Variants in OPN3 observed in about 807,000 individuals in gnomAD.
The protein encoded by OPN3 is opsin-3.
A neutral mutation model predicts 33.8 loss-of-function variants in OPN3; 29 were observed. The ratio of observed to expected loss-of-function variants is 0.86; its 90% CI spans 0.64 to 1.17. The LOEUF (loss-of-function observed/expected upper bound fraction) is 1.17. Ranked by LOEUF, OPN3 falls within the 50% of genes most tolerant of loss-of-function variation. The pLI, the probability that OPN3 is intolerant of heterozygous loss-of-function variation, is 0.00. For missense variants in OPN3, 437 were observed against 514.1 expected (o/e 0.85, Z 1.45); for synonymous variants, 216 against 216.1 (o/e 1.00, Z 0.00).
intron 2 of OPN3, chr1:241,600,287 ATC>A (rs561510657): frequency 7.0e-4 from 107 of 152,294 alleles, no homozygotes; most frequent in African/African-American, 2.5e-3. Context: ...TTTTTTATTT[ATC>A]TTTTTCAGGC....
At position 241,640,289 on chromosome 1, in the gene OPN3, C is replaced by G; in HGVS notation, c.-35G>C. ...CCGGCGCGCCTGGCGGGCGGAGGCG[C>G]TCAGCTTGCGGCGGGGCTCGCGGCG... On this transcript the variant is annotated 5_prime_UTR_variant, in exon 1 of 4. Transcript: ENST00000366554. The G allele has an allele frequency of 8.7e-7, 1 of 1,150,778 alleles. No individual in the cohort carries two copies. Among genetic ancestry groups the G allele is most frequent in the Non-Finnish European group, 1.1e-6 (1 of 938,824 alleles). The allele number at this position is 1,150,778 out of a possible 1,614,324, so 71.3% of individuals were successfully genotyped here.
At chr1:241,595,294 CTCCTCTCTGCTGT>C (rs1341979904) in intron 3 of OPN3, 1 of 152,302 alleles carries the variant, frequency 6.6e-6, no homozygotes, top group African/African-American at 2.4e-5. Flanking sequence ...CTTTCCGCTT[CTCCTCTCTGCTGT>C]TCCTCTCTAC....
At chr1:241,630,634 T>C (rs955694277) in intron 1 of OPN3, 10 of 152,170 alleles carry the variant, frequency 6.6e-5, no homozygotes, top group Middle Eastern at 3.4e-3. Flanking sequence ...TCTTTAACCA[T>C]ATATAAAAAT....
intron 1 of OPN3, among the ~76,000 whole-genome samples, chr1:241,626,437 C>G (rs58386642): frequency 0.74 from 111,467 of 151,560 alleles, 41,588 homozygotes; most frequent in African/African-American, 0.86. Context: ...TTTTACTTTT[C>G]TATCTGGTTG....
chr1:241,616,026 C>G (rs1172421122), intron 1 of OPN3: 4 of 454,098 alleles, frequency 8.8e-6, no homozygotes, highest in Non-Finnish European at 1.8e-5. Flanking sequence ...ATTGCTTGCA[C>G]TCTCCTGTCA....
intron 1 of OPN3, among the ~76,000 whole-genome samples, chr1:241,637,058 T>C (rs919338408): frequency 6.6e-6 from 1 of 152,034 alleles, no homozygotes; most frequent in Non-Finnish European, 1.5e-5. Flanking sequence ...TGGCCAGAGG[T>C]AGAAAGGCCA....
chr1:241,639,435 T>C (rs1476226442), intron 1 of OPN3, among the ~76,000 whole-genome samples: 1 of 152,188 alleles, frequency 6.6e-6, no homozygotes, highest in African/African-American at 2.4e-5. Context: ...AGTACATGAA[T>C]CTAATCTCAT....
intron 1 of OPN3, chr1:241,636,189 C>T (rs1372554834): frequency 1.5e-5 from 6 of 400,086 alleles, no homozygotes; most frequent in Non-Finnish European, 2.6e-5. Flanking sequence ...TAAACCTCTA[C>T]TAAAGCATGT....
intron 1 of OPN3, chr1:241,634,519 T>C: frequency 6.2e-7 from 1 of 1,613,944 alleles, no homozygotes; most frequent in Non-Finnish European, 8.5e-7. Flanking sequence ...CTTTACATCG[T>C]CCAGATTCTT....
At chr1:241,619,886 G>A (rs141841431) in intron 1 of OPN3, among the ~76,000 whole-genome samples, 1 of 152,336 alleles carries the variant, frequency 6.6e-6, no homozygotes, top group Non-Finnish European at 1.5e-5. Context: ...TGTTTGAGTT[G>A]CTCTAACGTA....
Position 241,604,417 on chromosome 1 carries a change from T to TAC in OPN3, c.534_535dup (p.Tyr179CysfsTer9). On this transcript the variant is annotated frameshift_variant, in exon 2 of 4. Transcript: ENST00000366554. LOFTEE classifies it high-confidence loss of function. ...GCCTAGTCCGTGTACGTCCAGGATGTACCTGTTCCATCCCAGGAGAGGTGC... is the reference window on the plus strand; with the variant it reads ...GCCTAGTCCGTGTACGTCCAGGATGTACACCTGTTCCATCCCAGGAGAGGTGC... 1 of 1,614,186 alleles carries TAC rather than the reference T, an allele frequency of 6.2e-7. No homozygotes were observed. Among genetic ancestry groups the TAC allele is most frequent in the Non-Finnish European group, 8.5e-7 (1 of 1,180,034 alleles).
chr1:241,598,087 T>C (rs551683682), intron 2 of OPN3, 90 bp from the exon 3 acceptor site: 2 of 1,409,008 alleles, frequency 1.4e-6, no homozygotes, highest in South Asian at 2.9e-5. Flanking sequence ...GACACCATTC[T>C]TGGCCCCACC....
chr1:241,635,864 C>G (rs1286797814), intron 1 of OPN3: 5 of 1,259,760 alleles, frequency 4.0e-6, no homozygotes, highest in Non-Finnish European at 4.4e-6. Context: ...CCAGTTATCC[C>G]AGAAGCACTG....
chr1:241,604,360 T>C lies in OPN3; in HGVS notation c.593A>G (p.Asn198Ser), dbSNP rs779659551. Residue 198 changes from asparagine (N) to serine (S), a missense_variant, in exon 2 of 4, where the codon AAC (asparagine) becomes AGC (serine). Coordinates refer to ENST00000366554, the MANE Select transcript of OPN3 (RefSeq NM_014322.3). ...CTVDWKSKDA[N>S]DSSFVLFLFL... ...TAAGAAAAGCACAAAGGAGGAATCG[T>C]TGGCATCCTTGGATTTCCAGTCCAC... 4.3e-6 allele frequency: 7 copies of C among 1,614,148 alleles called. No individual in the cohort carries two copies. The highest frequency in any genetic ancestry group is 5.9e-6 in the Non-Finnish European group (7 of 1,180,026).
chr1:241,605,066 A>AAAAT (rs1663791753), intron 1 of OPN3, among the ~76,000 whole-genome samples: 4 of 120,530 alleles, frequency 3.3e-5, no homozygotes, highest in East Asian at 2.8e-4. Flanking sequence ...AAAAAAAAAA[A>AAAAT]AAATAAAATA....
intron 1 of OPN3, chr1:241,629,583 TTG>T (rs1664538554): frequency 6.6e-6 from 1 of 152,262 alleles, no homozygotes; most frequent in African/African-American, 2.4e-5. Context: ...CCATCTTGTT[TTG>T]TCTTTTTCCT....
chr1:241,611,745 A>G (rs2148007164), intron 1 of OPN3, among the ~76,000 whole-genome samples: 1 of 152,232 alleles, frequency 6.6e-6, no homozygotes, highest in East Asian at 1.9e-4. Context: ...CTGAGGAGCC[A>G]TTAAGCTGTT....
intron 1 of OPN3, among the ~76,000 whole-genome samples, chr1:241,607,580 GAAAGAAAGA>G (rs1216304450): frequency 1.5e-5 from 2 of 137,154 alleles, no homozygotes; most frequent in Non-Finnish European, 3.1e-5. Context: ...AGAAAGAAAA[GAAAGAAAGA>G]AAGGAAGAAA....
chr1:241,602,996 T>G (rs1663715916), intron 2 of OPN3, among the ~76,000 whole-genome samples: 1 of 152,140 alleles, frequency 6.6e-6, no homozygotes, highest in Admixed American at 6.6e-5. Context: ...AATAAAGTGA[T>G]AGCTAGAGGG....
Sources: gnomAD v4.1 joint callset for allele counts (sites outside exome capture counted in the v4.1 genomes callset) on GRCh38, gnomAD v4.1.1 for gene constraint, MANE v1.5 for transcripts, NCBI Gene and HGNC (gene_info 2026-07-23, HGNC 2026-07-21) for gene names.